Variants in PPP1R42 observed in about 807,000 individuals in gnomAD.
PPP1R42 encodes leucine rich repeat containing 67.
PPP1R42 carries 34 observed loss-of-function variants against 31.0 expected under a neutral mutation model. The ratio of observed to expected loss-of-function variants is 1.10; its 90% CI spans 0.83 to 1.46. The LOEUF (loss-of-function observed/expected upper bound fraction) is 1.46. Ranked by LOEUF, PPP1R42 falls within the 40% of genes most tolerant of loss-of-function variation. PPP1R42 has a pLI of 0.00. For synonymous variants in PPP1R42, 103 were observed against 109.8 expected, an observed-to-expected ratio of 0.94 and a Z score of 0.39; for missense variants, 268 against 303.0, an observed-to-expected ratio of 0.88 and a Z score of 0.86.
intron 7 of PPP1R42, chr8:66,970,762 G>A (rs866408103): frequency 2.2e-5 from 12 of 536,306 alleles, no homozygotes; most frequent in African/African-American, 3.8e-5. Context: ...GTCTAACGCC[G>A]AAGTCTTCTG....
chr8:67,010,903 TCTTTGAAAAGTTTAAG>T, intron 4 of PPP1R42, 72 bp from the exon 5 acceptor site: 1 of 1,380,366 alleles, frequency 7.2e-7, no homozygotes, highest in South Asian at 1.5e-5. Context: ...GAAATCCTAA[TCTTTGAAAAGTTTAAG>T]CTTGATCAGT....
chr8:66,977,668 G>A (rs535654561), intron 7 of PPP1R42, among the ~76,000 whole-genome samples: 2 of 151,828 alleles, frequency 1.3e-5, no homozygotes, highest in African/African-American at 4.8e-5. Context: ...ACCATGCCCG[G>A]CTAATTTTTG....
intron 5 of PPP1R42, among the ~76,000 whole-genome samples, chr8:67,003,365 G>T (rs1815565579): frequency 8.6e-6 from 1 of 116,544 alleles, no homozygotes; most frequent in Non-Finnish European, 1.8e-5. Context: ...TTTTTCTCTG[G>T]TTATGATTTA....
chr8:66,994,362 C>T (rs1406968536), intron 5 of PPP1R42, among the ~76,000 whole-genome samples: 1 of 152,090 alleles, frequency 6.6e-6, no homozygotes, highest in Admixed American at 6.6e-5. Context: ...TCCTGGAAAC[C>T]CAGTTCTCTC....
At chr8:66,982,212 A>T (rs927780594) in intron 6 of PPP1R42, 32 bp from the exon 7 acceptor site, 3 of 1,128,534 alleles carry the variant, frequency 2.7e-6, no homozygotes, top group Non-Finnish European at 3.5e-6. Context: ...TAAAAAATAC[A>T]ATATATACAT....
chr8:66,972,180 A>G (rs1000092293), intron 7 of PPP1R42, among the ~76,000 whole-genome samples: 1 of 152,234 alleles, frequency 6.6e-6, no homozygotes, highest in Admixed American at 6.5e-5. Flanking sequence ...TGTATATTAC[A>G]TACGTGTATA....
At chr8:66,981,234 T>G (rs1310262473) in intron 7 of PPP1R42, among the ~76,000 whole-genome samples, 1 of 152,168 alleles carries the variant, frequency 6.6e-6, no homozygotes, top group Non-Finnish European at 1.5e-5. Flanking sequence ...CAAGGGAGGT[T>G]GGTATGTCGT....
intron 4 of PPP1R42, 105 bp downstream of exon 4, chr8:67,012,853 A>G: frequency 9.4e-7 from 1 of 1,064,262 alleles, no homozygotes; most frequent in Non-Finnish European, 1.3e-6. Context: ...CCATATAAAC[A>G]TGAAGAGGAT....
rs922702319 is a variant in PPP1R42, at chr8:66,981,904, TAAGTA to T, written c.802+140_802+144del. 16 of 805,298 alleles carry T rather than the reference TAAGTA, an allele frequency of 2.0e-5. No homozygotes were observed. In the African/African-American group the frequency reaches 2.7e-4, roughly 13 times the overall value. 49.9% of individuals were successfully genotyped at this position (805,298 alleles called of 1,614,324 possible). On this transcript the variant is annotated intron_variant, in intron 7 of 7. Transcript: ENST00000685739. ...AAGACAAATTGTACTTATGTACAAC[TAAGTA>T]AATAAGTTTTAAAAAACCCCATAAA...
intron 6 of PPP1R42, among the ~76,000 whole-genome samples, chr8:66,982,992 A>G (rs887943423): frequency 6.6e-6 from 1 of 151,042 alleles, no homozygotes; most frequent in Non-Finnish European, 1.5e-5. Flanking sequence ...TATGTTGCCC[A>G]GGCTGCTCTT....
intron 5 of PPP1R42, among the ~76,000 whole-genome samples, chr8:66,991,205 T>C (rs142760219): frequency 2.6e-5 from 4 of 152,332 alleles, no homozygotes; most frequent in African/African-American, 9.6e-5. Context: ...TCAAGTTTTA[T>C]ACATTTTTGG....
intron 5 of PPP1R42, among the ~76,000 whole-genome samples, chr8:66,998,626 T>C (rs1815399352): frequency 6.6e-6 from 1 of 152,230 alleles, no homozygotes; most frequent in African/African-American, 2.4e-5. Context: ...CTTCCTTTAT[T>C]CTTAATCTTA....
intron 7 of PPP1R42, among the ~76,000 whole-genome samples, chr8:66,975,917 G>A (rs1814657737): frequency 6.6e-6 from 1 of 152,090 alleles, no homozygotes; most frequent in Non-Finnish European, 1.5e-5. Flanking sequence ...ATATATGATT[G>A]TTAACTATGG....
At chr8:66,979,641 T>G (rs1814773095) in intron 7 of PPP1R42, among the ~76,000 whole-genome samples, 1 of 152,226 alleles carries the variant, frequency 6.6e-6, no homozygotes, top group South Asian at 2.1e-4. Flanking sequence ...GTTGTATATC[T>G]TGAAGTCTAG....
chr8:66,991,503 CCT>C (rs1330521753), intron 5 of PPP1R42, among the ~76,000 whole-genome samples: 1 of 152,102 alleles, frequency 6.6e-6, no homozygotes, highest in South Asian at 2.1e-4. Context: ...TGGCCTAAAA[CCT>C]CTCTTTCGCC....
intron 5 of PPP1R42, among the ~76,000 whole-genome samples, chr8:67,000,776 A>G (rs1280948649): frequency 6.6e-6 from 1 of 152,210 alleles, no homozygotes; most frequent in East Asian, 1.9e-4. Context: ...TCTAACTCCT[A>G]TTTTAAGGTA....
intron 6 of PPP1R42, chr8:66,988,040 A>C: frequency 8.2e-6 from 5 of 612,846 alleles, no homozygotes; most frequent in Non-Finnish European, 1.0e-5. Context: ...GATCAATTTT[A>C]TCTACAGAAC....
At chr8:66,983,271 T>C (rs1176719100) in intron 6 of PPP1R42, among the ~76,000 whole-genome samples, 1 of 152,162 alleles carries the variant, frequency 6.6e-6, no homozygotes, top group Non-Finnish European at 1.5e-5. Context: ...TAATATTGTG[T>C]TGTGAACATT....
At chr8:66,974,669 C>CATTTGTATGTCTTCTTTGGAGAA (rs1256147371) in intron 7 of PPP1R42, among the ~76,000 whole-genome samples, 1 of 152,124 alleles carries the variant, frequency 6.6e-6, no homozygotes, top group Non-Finnish European at 1.5e-5. Flanking sequence ...ACCTGTTGGC[C>CATTTGTATGTCTTCTTTGGAGAA]ATTTGTATGT....
Sources: gnomAD v4.1 joint callset for allele counts (sites outside exome capture counted in the v4.1 genomes callset) on GRCh38, gnomAD v4.1.1 for gene constraint, MANE v1.5 for transcripts, NCBI Gene and HGNC (gene_info 2026-07-23, HGNC 2026-07-21) for gene names.